SLC25A17: variants seen among roughly 807,000 people sequenced by gnomAD.
The protein encoded by SLC25A17 is solute carrier family 25 member 17.
Under a neutral mutation model 38.5 loss-of-function variants are expected in SLC25A17, and 26 were observed. The ratio of observed to expected loss-of-function variants is 0.68; its 90% CI spans 0.50 to 0.94. The LOEUF (loss-of-function observed/expected upper bound fraction) is 0.94. Ranked by LOEUF, SLC25A17 falls within the 40% of genes least tolerant of loss-of-function variation. The pLI is 0.00. For missense variants in SLC25A17, 333 were observed against 372.7 expected (o/e 0.89, Z 0.88); for synonymous variants, 139 against 136.2 (o/e 1.02, Z -0.14).
rs774570211 is a variant in SLC25A17 at position 40,777,337 on chromosome 22, G to C, written c.488C>G (p.Ser163Trp). The change falls in exon 6 of 9, where the codon TCG (serine) becomes TGG (tryptophan). Residue 163 changes from serine (S) to tryptophan (W), a missense_variant. Coordinates refer to ENST00000435456, the MANE Select transcript of SLC25A17 (RefSeq NM_006358.4). ...GGGAAATGTGCCATTCCATAAAGCC[G>C]AGATTCCTTCATCGCGAATGATCTG... The part of the protein sequence containing the change: ...FHQIIRDEGI[S>W]ALWNGTFPSL... The C allele has an allele frequency of 1.9e-6, 3 of 1,613,978 alleles. No homozygotes were observed. In the African/African-American group the frequency reaches 4.0e-5, roughly 22 times the overall value.
intron 4 of SLC25A17, among the ~76,000 whole-genome samples, chr22:40,781,535 G>A (rs1427642133): frequency 1.3e-5 from 2 of 152,086 alleles, no homozygotes; most frequent in African/African-American, 4.8e-5. Context: ...GTGAGCCACC[G>A]CACCCGGCCT....
At chr22:40,795,642 A>G (rs1009485590) in intron 2 of SLC25A17, among the ~76,000 whole-genome samples, 1 of 152,252 alleles carries the variant, frequency 6.6e-6, no homozygotes, top group East Asian at 1.9e-4. Context: ...GTTTTATTCA[A>G]TTAATGTATA....
chr22:40,782,194 C>G (rs970563177), intron 4 of SLC25A17, among the ~76,000 whole-genome samples: 1 of 151,380 alleles, frequency 6.6e-6, no homozygotes, highest in African/African-American at 2.4e-5. Context: ...CACTCCAGCC[C>G]GGGTGTCAGA....
intron 7 of SLC25A17, chr22:40,776,245 A>T (rs1304891631): frequency 8.7e-6 from 4 of 461,030 alleles, no homozygotes; most frequent in South Asian, 4.9e-5. Flanking sequence ...ACTTTTATTT[A>T]CCACTGCATG....
chr22:40,811,991 T>C (rs1191782173), intron 1 of SLC25A17, among the ~76,000 whole-genome samples: 1 of 442 alleles, frequency 2.3e-3, no homozygotes, highest in Admixed American at 0.25. Context: ...TTGTGAACAA[T>C]TCTGAACTGA....
chr22:40,779,319 G>A, intron 4 of SLC25A17, 194 bp from the exon 5 acceptor site: 1 of 1,423,126 alleles, frequency 7.0e-7, no homozygotes, highest in Non-Finnish European at 9.2e-7. Context: ...AAGCTTTGCT[G>A]ATAGCAAAAT....
In SLC25A17 at chr22:40,814,783, ATATATATT is replaced by A. The variant is rs1440925436; in HGVS notation, c.54+4404_54+4411del. Among the ~76,000 whole-genome samples, 156 of 80,246 alleles carry A rather than the reference ATATATATT, an allele frequency of 1.9e-3. 1 individual carries two copies. The highest frequency in any genetic ancestry group is 8.9e-3 in the African/African-American group (149 of 16,690). 52.6% of individuals were successfully genotyped at this position (80,246 alleles called of 152,430 possible). On this transcript the variant is annotated intron_variant, in intron 1 of 8. Transcript: ENST00000435456. Reference sequence around the variant, plus strand: ...TATATATATATATATATATATATATATATATATTGTTGTTGTTGTTGTTGTTTTGTTTT... The same window carrying A: ...TATATATATATATATATATATATATAGTTGTTGTTGTTGTTGTTTTGTTTT...
intron 4 of SLC25A17, among the ~76,000 whole-genome samples, chr22:40,787,269 C>A (rs535522431): frequency 6.6e-6 from 1 of 152,320 alleles, no homozygotes; most frequent in African/African-American, 2.4e-5. Flanking sequence ...GGGGTTACTA[C>A]ATGGCTTGGT....
chr22:40,791,184 G>C (rs1480058330), intron 4 of SLC25A17, among the ~76,000 whole-genome samples: 1 of 152,202 alleles, frequency 6.6e-6, no homozygotes, highest in Non-Finnish European at 1.5e-5. Flanking sequence ...TGAGGAGACA[G>C]ACCAGTGGTT....
Position 40,794,452 on chromosome 22 carries a change from C to T in SLC25A17, c.182+62G>A, listed in dbSNP as rs192482899. 792 of 990,972 alleles carry T rather than the reference C, an allele frequency of 8.0e-4. 4 individuals carry two copies. In the Middle Eastern group the frequency reaches 0.011, roughly 14 times the overall value. The allele number at this position is 990,972 out of a possible 1,614,324, so 61.4% of individuals were successfully genotyped here. On this transcript the variant is annotated intron_variant, in intron 3 of 8. Transcript: ENST00000435456. ...AAGATAGAAAGTAAGCATAACTCTA[C>T]TGGAAGCACAGGAATCTCCTAACAA...
chr22:40,804,501 C>G (rs952217619), intron 1 of SLC25A17, among the ~76,000 whole-genome samples: 4 of 151,896 alleles, frequency 2.6e-5, no homozygotes, highest in African/African-American at 9.7e-5. Context: ...AATTCTATGT[C>G]TTCTTTTGAG....
chr22:40,809,106 C>CTT (rs976946812), intron 1 of SLC25A17, among the ~76,000 whole-genome samples: 2 of 145,558 alleles, frequency 1.4e-5, no homozygotes, highest in African/African-American at 5.0e-5. Flanking sequence ...TGTATTTTAC[C>CTT]TTTTTTTTTT....
At chr22:40,816,609 GTTT>G (rs55809010) in intron 1 of SLC25A17, among the ~76,000 whole-genome samples, 48 of 137,972 alleles carry the variant, frequency 3.5e-4, no homozygotes, top group African/African-American at 5.1e-4. Context: ...ATTTTTTATT[GTTT>G]TTTTTTTTTT....
rs1217478716 is a variant in SLC25A17 at position 40,789,670 on chromosome 22, C to A, written c.334+2855G>T. ...TACAGGCACCTGCTACCACACCTGG[C>A]TAATTTTTTGTATTTTCAGTAAAGG... On this transcript the variant is annotated intron_variant, in intron 4 of 8. Transcript: ENST00000435456. The surrounding 1 kb of genome is among the most constrained non-coding windows in gnomAD (Gnocchi z 4.5). 1.3e-5 allele frequency among the ~76,000 whole-genome samples: 2 copies of A among 152,004 alleles called. No homozygotes were observed. The highest frequency in any genetic ancestry group is 2.9e-5 in the Non-Finnish European group (2 of 68,010).
chr22:40,773,410 C>CA (rs59479764), intron 8 of SLC25A17, among the ~76,000 whole-genome samples: 13,640 of 72,980 alleles, frequency 0.19, 637 homozygotes, highest in African/African-American at 0.24. Flanking sequence ...ACTCTGTCTC[C>CA]AAAAAAAAAA....
chr22:40,771,185 G>C (rs535096595), intron 8 of SLC25A17, among the ~76,000 whole-genome samples: 22 of 152,304 alleles, frequency 1.4e-4, no homozygotes, highest in Admixed American at 1.2e-3. Context: ...TCGGCTCACT[G>C]CAAGCTCCGC....
chr22:40,772,925 C>T (rs1427684212), intron 8 of SLC25A17, among the ~76,000 whole-genome samples: 1 of 152,142 alleles, frequency 6.6e-6, no homozygotes, highest in Non-Finnish European at 1.5e-5. Flanking sequence ...AGGCATGAGC[C>T]ACTTTGCCTG....
At chr22:40,773,750 T>C (rs2057211620) in intron 8 of SLC25A17, among the ~76,000 whole-genome samples, 187 bp downstream of exon 8, 1 of 152,236 alleles carries the variant, frequency 6.6e-6, no homozygotes, top group Non-Finnish European at 1.5e-5. Flanking sequence ...TTTCCATAAT[T>C]TCCCAAAATG....
chr22:40,804,920 G>C lies in SLC25A17; in HGVS notation c.55-5837C>G. Among the ~76,000 whole-genome samples the C allele has an allele frequency of 1.3e-5, 2 of 151,844 alleles. 1 individual carries two copies. Among genetic ancestry groups the C allele is most frequent in the East Asian group, 3.9e-4 (2 of 5,190 alleles). Reference sequence around the variant, plus strand: ...AGCCAGGAGTTTGAGACCAGCCTGGGCAACATAGCAAGACACTGTCTCTAT... The same window carrying C: ...AGCCAGGAGTTTGAGACCAGCCTGGCCAACATAGCAAGACACTGTCTCTAT... On this transcript the variant is annotated intron_variant, in intron 1 of 8. Transcript: ENST00000435456.
Sources: allele counts gnomAD v4.1 joint callset (sites outside exome capture counted in the v4.1 genomes callset), GRCh38; gene constraint gnomAD v4.1.1; non-coding constraint Gnocchi (gnomAD v3.1); transcripts MANE v1.5; gene names NCBI Gene and HGNC (gene_info 2026-07-23, HGNC 2026-07-21).